Variants in CRTAC1 observed in about 807,000 individuals in gnomAD.
The protein encoded by CRTAC1 is acidic secreted protein in cartilage.
In CRTAC1, 37 loss-of-function variants were observed where a neutral mutation model predicts 67.8. The observed-to-expected ratio is 0.55, with a 90% confidence interval of 0.42 to 0.72. The LOEUF (loss-of-function observed/expected upper bound fraction) is 0.72, where lower values mean the gene tolerates loss of function less well. CRTAC1 is among the 30% of genes least tolerant of loss of function. The pLI is 0.00. For synonymous variants in CRTAC1, 348 were observed against 371.0 expected (o/e 0.94, Z 0.71); for missense variants, 780 against 931.6 (o/e 0.84, Z 2.12).
intron 2 of CRTAC1, among the ~76,000 whole-genome samples, chr10:97,995,359 A>G (rs1271259985): frequency 6.6e-6 from 1 of 152,208 alleles, no homozygotes; most frequent in Non-Finnish European, 1.5e-5. Context: ...TCCATGCTGT[A>G]GAACTCTTTC....
chr10:97,992,067 A>G (rs1164601957), intron 2 of CRTAC1, among the ~76,000 whole-genome samples: 2 of 152,210 alleles, frequency 1.3e-5, no homozygotes, highest in Non-Finnish European at 2.9e-5. Flanking sequence ...CTGTCCAGGA[A>G]TCAGGTGCTG....
chr10:97,898,462 G>A (rs541419768), intron 8 of CRTAC1, among the ~76,000 whole-genome samples: 29 of 152,234 alleles, frequency 1.9e-4, no homozygotes, highest in Non-Finnish European at 3.8e-4. Flanking sequence ...GCTAGAGGGA[G>A]TGGGCAGCCT....
At chr10:98,027,554 A>G (rs758717698) in intron 1 of CRTAC1, among the ~76,000 whole-genome samples, 3 of 152,048 alleles carry the variant, frequency 2.0e-5, no homozygotes, top group Non-Finnish European at 4.4e-5. Context: ...GGCACTTCTG[A>G]CTCCTAAATG....
intron 11 of CRTAC1, among the ~76,000 whole-genome samples, chr10:97,885,986 T>C (rs888244616): frequency 1.3e-5 from 2 of 152,262 alleles, no homozygotes; most frequent in African/African-American, 4.8e-5. Context: ...AATTTTACAA[T>C]GATAGCTACT....
intron 14 of CRTAC1, among the ~76,000 whole-genome samples, chr10:97,876,977 A>ATTTTTT (rs2050155547): frequency 2.7e-5 from 1 of 37,686 alleles, no homozygotes; most frequent in African/African-American, 9.4e-5. Flanking sequence ...TTTTTTGGTA[A>ATTTTTT]GGGGGTAGGT....
intron 2 of CRTAC1, among the ~76,000 whole-genome samples, chr10:97,955,722 C>T (rs2051428964): frequency 1.3e-5 from 2 of 152,116 alleles, no homozygotes; most frequent in African/African-American, 4.8e-5. Flanking sequence ...AGCTGGTAGC[C>T]CCAGGATGAT....
chr10:97,896,096 G>C (rs2050455358), intron 9 of CRTAC1, 111 bp from the exon 10 acceptor site: 1 of 903,636 alleles, frequency 1.1e-6, no homozygotes, highest in South Asian at 1.5e-5. Context: ...GCCAGAGAAA[G>C]CACAGCACCG....
At chr10:97,923,125 C>A in intron 4 of CRTAC1, 139 bp downstream of exon 4, 1 of 895,200 alleles carries the variant, frequency 1.1e-6, no homozygotes, top group South Asian at 1.7e-5. Context: ...TTCTGCAAGT[C>A]TTAGTTGTTG....
At chr10:97,907,166 T>A (rs2050623867) in intron 6 of CRTAC1, among the ~76,000 whole-genome samples, 1 of 152,220 alleles carries the variant, frequency 6.6e-6, no homozygotes, top group African/African-American at 2.4e-5. Flanking sequence ...AATAGAACCG[T>A]GACCCGGTCC....
At chr10:97,924,305 C>T (rs572180027) in intron 3 of CRTAC1, among the ~76,000 whole-genome samples, 22 of 152,176 alleles carry the variant, frequency 1.4e-4, no homozygotes, top group Non-Finnish European at 2.4e-4. Context: ...CCCGAATGTT[C>T]GTAGTTTAGG....
At position 98,018,369 on chromosome 10, in the gene CRTAC1, C is replaced by T. The variant is rs537014833; in HGVS notation, c.25-7032G>A. Among the ~76,000 whole-genome samples the T allele has an allele frequency of 1.2e-3, 187 of 152,132 alleles. 3 individuals carry two copies. The highest frequency in any genetic ancestry group is 2.2e-3 in the Non-Finnish European group (148 of 68,008). ...GTGTCCTCATCTGTACCATGGAGATCGTATGACCTGCCAAGATTTCAAGGG... is the reference window on the plus strand; with the variant it reads ...GTGTCCTCATCTGTACCATGGAGATTGTATGACCTGCCAAGATTTCAAGGG... On this transcript the variant is annotated intron_variant, in intron 1 of 14. Coordinates refer to ENST00000370597, the MANE Select transcript of CRTAC1 (RefSeq NM_018058.7).
At chr10:97,932,318 C>A (rs2051015280) in intron 3 of CRTAC1, among the ~76,000 whole-genome samples, 1 of 152,142 alleles carries the variant, frequency 6.6e-6, no homozygotes, top group Admixed American at 6.5e-5. Flanking sequence ...GTAATAAGTG[C>A]TTTCATTCGT....
rs947124786 is a variant in CRTAC1, at chr10:97,904,397, G to T, written c.996+272C>A. On this transcript the variant is annotated intron_variant, in intron 7 of 14. Coordinates refer to ENST00000370597, the MANE Select transcript of CRTAC1 (RefSeq NM_018058.7). ...TGCTGTAGGGAGGAGTGAGGGAGAG[G>T]CCCTTTCTTTTTATTTTATTTTATT... is the stretch of plus-strand genomic sequence containing the variant. Among the ~76,000 whole-genome samples the T allele has an allele frequency of 3.3e-5, 5 of 152,026 alleles. No individual in the cohort carries two copies. The East Asian group carries it at 5.8e-4, about 18-fold the overall frequency.
intron 2 of CRTAC1, among the ~76,000 whole-genome samples, chr10:97,960,315 A>G (rs913963621): frequency 6.6e-6 from 1 of 152,208 alleles, no homozygotes; most frequent in African/African-American, 2.4e-5. Flanking sequence ...GCAGCATCAC[A>G]TATTTGTATC....
chr10:97,906,020 C>G (rs567730399), intron 6 of CRTAC1, among the ~76,000 whole-genome samples: 2 of 152,318 alleles, frequency 1.3e-5, no homozygotes, highest in African/African-American at 4.8e-5. Flanking sequence ...TGTGGGTCAT[C>G]AGGCTCTCTG....
rs551841933 is a variant in CRTAC1 at position 97,985,603 on chromosome 10, C to T, written c.224+25535G>A. Among the ~76,000 whole-genome samples the T allele has an allele frequency of 2.0e-4, 30 of 152,226 alleles. No homozygotes were observed. In the South Asian group the frequency reaches 3.1e-3, roughly 16 times the overall value. On this transcript the variant is annotated intron_variant, in intron 2 of 14. Coordinates refer to ENST00000370597, the MANE Select transcript of CRTAC1 (RefSeq NM_018058.7). ...TGTGCATCTGTCACTGTGGATGAGC[C>T]GGGGCATGCATGAGAACAGCCTTTG...
chr10:97,905,807 A>C (rs943926246), intron 6 of CRTAC1, among the ~76,000 whole-genome samples: 1 of 152,200 alleles, frequency 6.6e-6, no homozygotes, highest in Non-Finnish European at 1.5e-5. Flanking sequence ...GCCTGGTGAG[A>C]CCTGGAAAGC....
At chr10:97,959,343 C>A (rs2051488203) in intron 2 of CRTAC1, among the ~76,000 whole-genome samples, 2 of 152,202 alleles carry the variant, frequency 1.3e-5, no homozygotes, top group Admixed American at 1.3e-4. Flanking sequence ...GGTAAACACA[C>A]CTGACAGCAA....
intron 4 of CRTAC1, among the ~76,000 whole-genome samples, chr10:97,922,290 T>C (rs2136594972): frequency 6.6e-6 from 1 of 152,322 alleles, no homozygotes; most frequent in Middle Eastern, 3.4e-3. Flanking sequence ...GCCAGCTTGT[T>C]AAGAAATAAA....
Sources: gnomAD v4.1 joint callset for allele counts (sites outside exome capture counted in the v4.1 genomes callset) on GRCh38, gnomAD v4.1.1 for gene constraint, MANE v1.5 for transcripts, NCBI Gene and HGNC (gene_info 2026-07-23, HGNC 2026-07-21) for gene names.